SRGAP3: variants seen among roughly 807,000 people sequenced by gnomAD.
The protein encoded by SRGAP3 is SLIT-ROBO Rho GTPase-activating protein 3.
A neutral mutation model predicts 121.1 loss-of-function variants in SRGAP3; 39 were observed. The ratio of observed to expected loss-of-function variants is 0.32; its 90% CI spans 0.25 to 0.42. The LOEUF is 0.42. Ranked by LOEUF, SRGAP3 falls within the 10% of genes least tolerant of loss-of-function variation. The pLI, the probability that SRGAP3 is intolerant of heterozygous loss-of-function variation, is 1.00. For missense variants in SRGAP3, 1,213 were observed against 1,470.6 expected (o/e 0.82, Z 2.86); for synonymous variants, 601 against 570.0 (o/e 1.05, Z -0.77).
At chr3:9,135,772 A>C (rs2125016943) in intron 1 of SRGAP3, among the ~76,000 whole-genome samples, 1 of 152,364 alleles carries the variant, frequency 6.6e-6, no homozygotes, top group East Asian at 1.9e-4. Context: ...GCGCAGCGGA[A>C]GGGCATGCAC....
rs1941636418 is a variant in SRGAP3 at position 8,985,520 on chromosome 3, C to T, written c.3299G>A (p.Ter1100=). The T allele has an allele frequency of 6.3e-7, 1 of 1,598,826 alleles. No homozygotes were observed. The change falls in exon 22 of 22, where the codon TGA becomes TAA. Residue 1100 remains the stop codon, a stop_retained_variant. Transcript: ENST00000383836. This position sits in a 1 kb window ranked among gnomAD's most constrained non-coding sequence, Gnocchi z 5.1. The stretch of plus-strand genomic sequence containing the variant: ...CGGCGGCGCGGCCCATCCTGCAGGT[C>T]ACATGGTGCCCGACTTGTCCGCTGA... ...NSSADKSGTM[*]
chr3:9,250,471 A>G (rs934794396), upstream of SRGAP3, among the ~76,000 whole-genome samples: 3 of 152,196 alleles, frequency 2.0e-5, no homozygotes, highest in Non-Finnish European at 4.4e-5. Flanking sequence ...AGGCCCTGGG[A>G]GAGGAAGACC....
At chr3:8,993,152 C>T (rs1423010616) in intron 19 of SRGAP3, 97 bp from the exon 20 acceptor site, 6 of 1,578,952 alleles carry the variant, frequency 3.8e-6, no homozygotes, top group Non-Finnish European at 5.2e-6. Context: ...TGAATTAACA[C>T]AACTTATGGT....
At chr3:9,195,377 G>A (rs1951885002) in intron 1 of SRGAP3, among the ~76,000 whole-genome samples, 1 of 152,166 alleles carries the variant, frequency 6.6e-6, no homozygotes, top group Non-Finnish European at 1.5e-5. Context: ...ACACAACACT[G>A]GTTTACCCCC....
intron 18 of SRGAP3, among the ~76,000 whole-genome samples, chr3:9,002,175 C>T (rs1458304598): frequency 3.3e-5 from 5 of 152,142 alleles, no homozygotes; most frequent in Admixed American, 3.3e-4. Context: ...AAACAAACCT[C>T]AATAATTCAA....
At chr3:9,081,299 A>G (rs1396193866) in intron 3 of SRGAP3, 1 of 456,540 alleles carries the variant, frequency 2.2e-6, no homozygotes. Flanking sequence ...CACTCTCAAG[A>G]TGTCTCTTCC....
At chr3:9,006,295 G>A (rs1395706846) in intron 18 of SRGAP3, among the ~76,000 whole-genome samples, 1 of 151,722 alleles carries the variant, frequency 6.6e-6, no homozygotes, top group African/African-American at 2.4e-5. Flanking sequence ...AGCTACTCCG[G>A]AGGCTGAGGC....
chr3:8,984,625 A>G lies in SRGAP3; in HGVS notation c.*894T>C. On this transcript the variant is annotated 3_prime_UTR_variant, in exon 22 of 22. Transcript: ENST00000383836. ...CTATCCCCCGTCTCTACACACAAAC[A>G]CAAGGATGTGGTAGTCAGGGGTCTT... is the stretch of plus-strand genomic sequence containing the variant. 4.3e-6 allele frequency: 1 copy of G among 232,624 alleles called. No individual in the cohort carries two copies. Among genetic ancestry groups the G allele is most frequent in the Non-Finnish European group, 8.5e-6 (1 of 117,604 alleles). 14.4% of individuals were successfully genotyped at this position (232,624 alleles called of 1,614,324 possible).
chr3:9,047,200 T>C (rs1945332529), intron 10 of SRGAP3, among the ~76,000 whole-genome samples, 191 bp downstream of exon 10: 1 of 152,154 alleles, frequency 6.6e-6, no homozygotes, highest in Non-Finnish European at 1.5e-5. Context: ...CTATTTTCTA[T>C]AGCCAGATTG....
intron 3 of SRGAP3, among the ~76,000 whole-genome samples, chr3:9,263,796 G>A (rs1483799700): frequency 6.6e-6 from 1 of 152,206 alleles, no homozygotes; most frequent in Non-Finnish European, 1.5e-5. Context: ...GAGGTACAAA[G>A]AGGAGCTGGT....
chr3:9,059,928 C>G, intron 6 of SRGAP3: 1 of 409,992 alleles, frequency 2.4e-6, no homozygotes. Context: ...ACCCCTCAAA[C>G]CCAGCAAAGG....
chr3:9,142,832 T>TTTTTTTG (rs1949903766), intron 1 of SRGAP3, among the ~76,000 whole-genome samples: 2 of 134,084 alleles, frequency 1.5e-5, no homozygotes, highest in African/African-American at 2.8e-5. Context: ...CAATTTCCTT[T>TTTTTTTG]TTTTTTTTTT....
At chr3:9,060,742 T>A (rs1001172892) in intron 5 of SRGAP3, among the ~76,000 whole-genome samples, 1 of 95,962 alleles carries the variant, frequency 1.0e-5, no homozygotes, top group Non-Finnish European at 2.4e-5. Flanking sequence ...CCCGGCCCAG[T>A]GGTTTTTTTT....
intron 2 of SRGAP3, among the ~76,000 whole-genome samples, chr3:9,106,680 T>G (rs1022462474): frequency 6.6e-6 from 1 of 152,072 alleles, no homozygotes; most frequent in Non-Finnish European, 1.5e-5. Flanking sequence ...TCCTCCTCAT[T>G]TTCTCTTGCC....
At chr3:9,114,208 T>C (rs73017497) in intron 2 of SRGAP3, among the ~76,000 whole-genome samples, 10,344 of 152,260 alleles carry the variant, frequency 0.068, 412 homozygotes, top group African/African-American at 0.083. Flanking sequence ...TCTCTTTCCT[T>C]ATCTGTGAAA....
At chr3:9,331,182 A>T (rs1434651876) in intron 1 of SRGAP3, among the ~76,000 whole-genome samples, 1 of 152,260 alleles carries the variant, frequency 6.6e-6, no homozygotes. Flanking sequence ...ACACACAAAT[A>T]GCTAAGAATT....
Position 8,982,596 on chromosome 3 carries a change from A to T in SRGAP3, c.*2923T>A. The T allele has an allele frequency of 4.5e-6, 1 of 222,804 alleles. No individual in the cohort carries two copies. The highest frequency in any genetic ancestry group is 5.8e-5 in the Admixed American group (1 of 17,344). 13.8% of individuals were successfully genotyped at this position (222,804 alleles called of 1,614,324 possible). On this transcript the variant is annotated 3_prime_UTR_variant, in exon 22 of 22. Transcript: ENST00000383836. ...AAATACAGCAATATATAGTGGACTA[A>T]AACAGGCAGGAGTCAGAAAGAGAAA...
chr3:9,093,314 TG>T (rs952065547), intron 3 of SRGAP3, among the ~76,000 whole-genome samples: 5 of 152,210 alleles, frequency 3.3e-5, no homozygotes, highest in African/African-American at 1.2e-4. Flanking sequence ...AGGTTTGCAT[TG>T]GCATTTCAAA....
chr3:9,196,345 G>A (rs1470075764), intron 1 of SRGAP3, among the ~76,000 whole-genome samples: 1 of 152,198 alleles, frequency 6.6e-6, no homozygotes, highest in Non-Finnish European at 1.5e-5. Flanking sequence ...GCAGTATGGT[G>A]TGCTAGTTTG....
Sources: allele counts gnomAD v4.1 joint callset (sites outside exome capture counted in the v4.1 genomes callset), GRCh38; gene constraint gnomAD v4.1.1; non-coding constraint Gnocchi (gnomAD v3.1); transcripts MANE v1.5; gene names NCBI Gene and HGNC (gene_info 2026-07-23, HGNC 2026-07-21).